The following AACS variants were observed in gnomAD, a reference collection of about 807,000 sequenced individuals.
AACS encodes the protein acetoacetyl-CoA synthetase, also known as acetoacetate-CoA ligase.
AACS carries 69 observed loss-of-function variants against 83.1 expected under a neutral mutation model. The ratio of observed to expected loss-of-function variants is 0.83; its 90% CI spans 0.68 to 1.01. AACS has a LOEUF of 1.01. Ranked by LOEUF, AACS falls within the 50% of genes least tolerant of loss-of-function variation. The pLI, the probability that AACS is intolerant of heterozygous loss-of-function variation, is 0.00. For synonymous variants in AACS, 333 were observed against 343.4 expected, an observed-to-expected ratio of 0.97 and a Z score of 0.33; for missense variants, 866 against 882.2, an observed-to-expected ratio of 0.98 and a Z score of 0.23.
intron 17 of AACS, among the ~76,000 whole-genome samples, chr12:125,137,566 CTT>C (rs1273772762): frequency 6.6e-6 from 1 of 152,206 alleles, no homozygotes; most frequent in Non-Finnish European, 1.5e-5. Context: ...AGACTTGACT[CTT>C]TTTAGAGGCA....
chr12:125,133,695 C>T (rs1957359205), intron 14 of AACS, among the ~76,000 whole-genome samples: 1 of 152,272 alleles, frequency 6.6e-6, no homozygotes, highest in East Asian at 1.9e-4. Flanking sequence ...TGTCTCCAGA[C>T]ACTCCTGTTG....
intron 7 of AACS, 80 bp downstream of exon 7, chr12:125,103,161 A>T (rs562015159): frequency 4.3e-6 from 5 of 1,164,784 alleles, no homozygotes; most frequent in Non-Finnish European, 6.2e-6. Context: ...TGGATCTTCT[A>T]CTTGGGGTCA....
rs1404161131 is a variant in AACS at position 125,106,598 on chromosome 12, A to G, written c.768-523A>G. Among the ~76,000 whole-genome samples the G allele has an allele frequency of 5.1e-4, 78 of 152,208 alleles. 2 individuals carry two copies. The highest frequency in any genetic ancestry group is 5.1e-3 in the Admixed American group (78 of 15,290). Reference sequence around the variant, plus strand: ...ATCTGTAGGAAGGGCTCATTAATCTAGCATCTCCTCCTCTCCCTTCTCCCC... The same window carrying G: ...ATCTGTAGGAAGGGCTCATTAATCTGGCATCTCCTCCTCTCCCTTCTCCCC... On this transcript the variant is annotated intron_variant, in intron 7 of 17. Transcript: ENST00000316519.
intron 5 of AACS, among the ~76,000 whole-genome samples, chr12:125,092,322 A>T (rs760277688): frequency 6.6e-6 from 1 of 152,252 alleles, no homozygotes; most frequent in East Asian, 1.9e-4. Flanking sequence ...TCCGTCAGTC[A>T]GCAGCACCAG....
chr12:125,142,048 C>T (rs775630586), intron 17 of AACS, 44 bp from the exon 18 acceptor site: 3 of 1,610,234 alleles, frequency 1.9e-6, no homozygotes, highest in African/African-American at 2.7e-5. Flanking sequence ...GATTTTCCCC[C>T]CTTCAGGTTT....
intron 3 of AACS, among the ~76,000 whole-genome samples, chr12:125,082,721 T>C (rs1186612258): frequency 2.6e-5 from 4 of 152,188 alleles, no homozygotes; most frequent in African/African-American, 7.2e-5. Flanking sequence ...CTCGGGAGGC[T>C]GAGGCAGGAG....
At chr12:125,066,301 AC>A (rs958436105) in intron 1 of AACS, among the ~76,000 whole-genome samples, 1 of 148,370 alleles carries the variant, frequency 6.7e-6, no homozygotes, top group African/African-American at 2.5e-5. Context: ...ATCACCTTGA[AC>A]CTCAGAAACT....
intron 17 of AACS, 86 bp downstream of exon 17, chr12:125,136,950 G>T: frequency 7.1e-7 from 1 of 1,405,832 alleles, no homozygotes; most frequent in Non-Finnish European, 9.8e-7. Flanking sequence ...TGAGCAGCTT[G>T]CCGGTGCTTT....
chr12:125,114,154 C>T (rs956539218), intron 8 of AACS, among the ~76,000 whole-genome samples: 1 of 152,066 alleles, frequency 6.6e-6, no homozygotes, highest in African/African-American at 2.4e-5. Context: ...GGAAGGGTCA[C>T]TTCTCTTCTG....
chr12:125,125,883 A>C (rs1479756861), intron 12 of AACS: 3 of 152,190 alleles, frequency 2.0e-5, no homozygotes, highest in Non-Finnish European at 4.4e-5. Context: ...GGTGGAAAAC[A>C]GGTATATATG....
intron 5 of AACS, among the ~76,000 whole-genome samples, chr12:125,098,073 G>T (rs555604576): frequency 6.6e-6 from 1 of 151,848 alleles, no homozygotes; most frequent in Non-Finnish European, 1.5e-5. Context: ...CTACTATCCA[G>T]TACACACCCT....
chr12:125,114,809 G>A (rs112589582), intron 9 of AACS, among the ~76,000 whole-genome samples: 6,006 of 144,060 alleles, frequency 0.042, 222 homozygotes, highest in Non-Finnish European at 0.061. Context: ...CCGGCCCGTG[G>A]CACATGGTAA....
chr12:125,109,941 A>G (rs1956916300), intron 8 of AACS, among the ~76,000 whole-genome samples: 1 of 151,646 alleles, frequency 6.6e-6, no homozygotes, highest in Non-Finnish European at 1.5e-5. Flanking sequence ...TATCGGGGGG[A>G]TACAACGTTA....
intron 15 of AACS, 48 bp downstream of exon 15, chr12:125,134,120 G>C (rs373500817): frequency 2.9e-4 from 461 of 1,595,098 alleles, no homozygotes; most frequent in Non-Finnish European, 3.8e-4. Context: ...CCACCTTCCA[G>C]AGGCATGGGG....
intron 14 of AACS, among the ~76,000 whole-genome samples, chr12:125,131,109 G>A (rs1203355818): frequency 6.6e-6 from 1 of 152,202 alleles, no homozygotes; most frequent in East Asian, 1.9e-4. Context: ...GATGCCAGGT[G>A]AAAATGTAAA....
chr12:125,101,762 C>CCT (rs1956712856), intron 5 of AACS: 1 of 104,184 alleles, frequency 9.6e-6, no homozygotes, highest in African/African-American at 3.9e-5. Flanking sequence ...CTTTGATCAA[C>CCT]TTTTTTTTTT....
In AACS at chr12:125,128,276, T is replaced by C; in HGVS notation, c.1423+2T>C. 1 of 1,609,996 alleles carries C rather than the reference T, an allele frequency of 6.2e-7. No homozygotes were observed. ...CCGTGGAAGCGTGGAACGAGGAAGG[T>C]GATGGCTCCACCAACTGTTTCTTTC... On this transcript the variant is annotated splice_donor_variant, in intron 13 of 17. Transcript: ENST00000316519. LOFTEE classifies it high-confidence loss of function.
chr12:125,093,970 G>A (rs1302581941), intron 5 of AACS, among the ~76,000 whole-genome samples: 2 of 152,224 alleles, frequency 1.3e-5, no homozygotes, highest in Admixed American at 6.5e-5. Flanking sequence ...CATGTTCATA[G>A]CGCTTGGTCC....
intron 15 of AACS, 68 bp from the exon 16 acceptor site, chr12:125,134,726 C>T (rs901240493): frequency 1.0e-5 from 16 of 1,584,678 alleles, no homozygotes; most frequent in African/African-American, 5.4e-5. Context: ...ACTGCCCTCC[C>T]GTGGGACCCC....
Sources: gnomAD v4.1 joint callset for allele counts (sites outside exome capture counted in the v4.1 genomes callset) on GRCh38, gnomAD v4.1.1 for gene constraint, MANE v1.5 for transcripts, NCBI Gene and HGNC (gene_info 2026-07-23, HGNC 2026-07-21) for gene names.